The following SMYD3 variants were observed in gnomAD, a reference collection of about 807,000 sequenced individuals.
The protein encoded by SMYD3 is histone-lysine N-methyltransferase SMYD3.
In SMYD3, 36 loss-of-function variants were observed where a neutral mutation model predicts 57.7. The observed-to-expected ratio is 0.62, with a 90% CI of 0.48 to 0.82. The LOEUF (loss-of-function observed/expected upper bound fraction) is 0.82, where lower values mean the gene tolerates loss of function less well. Ranked by LOEUF, SMYD3 falls within the 40% of genes least tolerant of loss-of-function variation. The pLI, the probability that SMYD3 is intolerant of heterozygous loss-of-function variation, is 0.00. For missense variants in SMYD3, 515 were observed against 538.8 expected (o/e 0.96, Z 0.44); for synonymous variants, 211 against 195.0 (o/e 1.08, Z -0.68).
intron 1 of SMYD3, among the ~76,000 whole-genome samples, chr1:246,473,877 G>C (rs992660220): frequency 6.6e-6 from 1 of 152,212 alleles, no homozygotes; most frequent in East Asian, 1.9e-4. Context: ...GTTTGTCTTT[G>C]TTGCCAAATT....
intron 1 of SMYD3, among the ~76,000 whole-genome samples, chr1:246,481,449 C>CTT (rs1331034037): frequency 6.6e-6 from 1 of 150,714 alleles, no homozygotes; most frequent in East Asian, 2.0e-4. Flanking sequence ...CTCTCTCTCT[C>CTT]TGATTACTTG....
intron 5 of SMYD3, among the ~76,000 whole-genome samples, chr1:245,968,391 GC>G: frequency 6.6e-6 from 1 of 152,210 alleles, no homozygotes; most frequent in Non-Finnish European, 1.5e-5. Flanking sequence ...CATCTGAAAT[GC>G]CCTTTACCAG....
chr1:245,927,758 G>A (rs1366342957), intron 7 of SMYD3, among the ~76,000 whole-genome samples, 173 bp downstream of exon 7: 3 of 152,138 alleles, frequency 2.0e-5, no homozygotes, highest in Non-Finnish European at 4.4e-5. Flanking sequence ...TTTGTAATTT[G>A]GGAGAAGAAA....
chr1:245,789,944 C>T (rs1174265067), intron 10 of SMYD3, among the ~76,000 whole-genome samples: 1 of 152,206 alleles, frequency 6.6e-6, no homozygotes, highest in Non-Finnish European at 1.5e-5. Context: ...TTCATGCATT[C>T]ACATTACAGA....
intron 1 of SMYD3, among the ~76,000 whole-genome samples, chr1:246,486,461 T>G (rs1242037319): frequency 6.6e-6 from 1 of 152,218 alleles, no homozygotes; most frequent in Non-Finnish European, 1.5e-5. Flanking sequence ...TGAATTGATA[T>G]TTAATCTCTA....
chr1:246,061,676 C>T (rs111369746), intron 5 of SMYD3, among the ~76,000 whole-genome samples: 1 of 152,174 alleles, frequency 6.6e-6, no homozygotes, highest in Admixed American at 6.5e-5. Flanking sequence ...CTGTGAGCCA[C>T]GATCACATGA....
At chr1:245,896,761 T>C (rs1352798562) in intron 8 of SMYD3, among the ~76,000 whole-genome samples, 1 of 152,124 alleles carries the variant, frequency 6.6e-6, no homozygotes, top group Non-Finnish European at 1.5e-5. Context: ...GCCCACCATC[T>C]AGGCAACACT....
chr1:245,797,034 G>A (rs2047553312), intron 10 of SMYD3, among the ~76,000 whole-genome samples: 1 of 152,100 alleles, frequency 6.6e-6, no homozygotes, highest in Non-Finnish European at 1.5e-5. Flanking sequence ...AGGCTATAGA[G>A]GAAATTGCTT....
intron 1 of SMYD3, among the ~76,000 whole-genome samples, chr1:246,425,281 A>G (rs1475329209): frequency 2.0e-5 from 3 of 152,162 alleles, no homozygotes; most frequent in Non-Finnish European, 4.4e-5. Flanking sequence ...ATATGGTTCC[A>G]TTCAGAAACG....
At chr1:246,462,271 GCCTGCTGGGT>G (rs2067811831) in intron 1 of SMYD3, among the ~76,000 whole-genome samples, 2 of 13,018 alleles carry the variant, frequency 1.5e-4, no homozygotes, top group African/African-American at 4.3e-4. Context: ...CTCCCGCGGG[GCCTGCTGGGT>G]ACAGTGCATC....
intron 5 of SMYD3, among the ~76,000 whole-genome samples, chr1:246,276,364 C>T (rs1224565044): frequency 2.4e-5 from 3 of 123,956 alleles, no homozygotes; most frequent in African/African-American, 8.6e-5. Context: ...TTTCACTACC[C>T]GTATTAACAC....
chr1:246,149,307 C>T (rs550013284), intron 5 of SMYD3, among the ~76,000 whole-genome samples: 13 of 152,168 alleles, frequency 8.5e-5, no homozygotes, highest in East Asian at 1.9e-4. Context: ...GAGCAGGGCT[C>T]GACTTAGAAT....
chr1:246,440,207 T>C (rs981956972), intron 1 of SMYD3, among the ~76,000 whole-genome samples: 2 of 152,000 alleles, frequency 1.3e-5, no homozygotes, highest in Admixed American at 6.6e-5. Flanking sequence ...AAAAAATATA[T>C]AGATAGAGAA....
At chr1:246,273,096 T>C (rs1297985079) in intron 5 of SMYD3, among the ~76,000 whole-genome samples, 1 of 150,996 alleles carries the variant, frequency 6.6e-6, no homozygotes, top group Non-Finnish European at 1.5e-5. Context: ...CCTATAATCC[T>C]TTTTCATTCT....
At chr1:246,274,484 T>C (rs894869468) in intron 5 of SMYD3, among the ~76,000 whole-genome samples, 6 of 152,208 alleles carry the variant, frequency 3.9e-5, no homozygotes, top group African/African-American at 1.4e-4. Flanking sequence ...CTGAATGCTG[T>C]GGACTCCATT....
At chr1:246,241,588 C>G (rs2063611578) in intron 5 of SMYD3, among the ~76,000 whole-genome samples, 1 of 152,134 alleles carries the variant, frequency 6.6e-6, no homozygotes, top group African/African-American at 2.4e-5. Flanking sequence ...GCTTTGGTAT[C>G]AGGATGATGA....
intron 11 of SMYD3, among the ~76,000 whole-genome samples, chr1:245,762,514 A>G (rs61831336): frequency 0.021 from 3,227 of 152,266 alleles, 56 homozygotes; most frequent in Non-Finnish European, 0.035. Flanking sequence ...AAGTACCCCC[A>G]GACCAGAAAA....
intron 10 of SMYD3, among the ~76,000 whole-genome samples, chr1:245,794,187 C>G (rs968877019): frequency 6.6e-6 from 1 of 152,208 alleles, no homozygotes; most frequent in African/African-American, 2.4e-5. Flanking sequence ...GACATTTCAG[C>G]AATTTCTATA....
At chr1:245,972,528 A>T (rs913222704) in intron 5 of SMYD3, among the ~76,000 whole-genome samples, 2 of 152,254 alleles carry the variant, frequency 1.3e-5, no homozygotes, top group Admixed American at 6.5e-5. Flanking sequence ...ACATTGCAGG[A>T]TGTGGTGAAT....
Sources: allele counts gnomAD v4.1 joint callset (sites outside exome capture counted in the v4.1 genomes callset), GRCh38; gene constraint gnomAD v4.1.1; transcripts MANE v1.5; gene names NCBI Gene and HGNC (gene_info 2026-07-23, HGNC 2026-07-21).